Variants in SLC35F4 observed in about 807,000 individuals in gnomAD.
SLC35F4 encodes the protein solute carrier family 35 member F4, also known as chromosome 14 open reading frame 36.
In SLC35F4, 24 loss-of-function variants were observed where a neutral mutation model predicts 44.2. The ratio of observed to expected loss-of-function variants is 0.54; its 90% CI spans 0.39 to 0.76. SLC35F4 has a LOEUF of 0.76. Among genes scored for constraint, SLC35F4 ranks in the 30% least tolerant of loss-of-function variants. The probability of loss-of-function intolerance (pLI) is 0.00; values close to 1 mark genes in which losing one functional copy is unlikely to be tolerated. For synonymous variants in SLC35F4, 238 were observed against 223.6 expected (o/e 1.06, Z -0.57); for missense variants, 562 against 586.1 (o/e 0.96, Z 0.42).
intron 1 of SLC35F4, among the ~76,000 whole-genome samples, chr14:57,607,784 G>A (rs370726637): frequency 3.3e-4 from 50 of 152,312 alleles, no homozygotes; most frequent in African/African-American, 1.1e-3. Flanking sequence ...GGATGTCTAG[G>A]GGACAGATTA....
chr14:57,980,157 T>A (rs1301552679), intron 1 of SLC35F4, among the ~76,000 whole-genome samples: 3 of 152,176 alleles, frequency 2.0e-5, no homozygotes, highest in Non-Finnish European at 2.9e-5. Context: ...TTAAATGGGA[T>A]CATATTGTAA....
At chr14:57,645,850 C>A (rs973309031) in intron 1 of SLC35F4, among the ~76,000 whole-genome samples, 1 of 151,702 alleles carries the variant, frequency 6.6e-6, no homozygotes, top group Non-Finnish European at 1.5e-5. Context: ...TGAATTTTGT[C>A]AAAGGCCTTT....
intron 1 of SLC35F4, among the ~76,000 whole-genome samples, chr14:57,669,288 T>G (rs2074427448): frequency 1.3e-5 from 2 of 151,904 alleles, no homozygotes; most frequent in Non-Finnish European, 1.5e-5. Context: ...AGGGACAATT[T>G]GACTTCCTCT....
At chr14:57,617,765 G>A (rs564063908) in intron 1 of SLC35F4, among the ~76,000 whole-genome samples, 1 of 152,262 alleles carries the variant, frequency 6.6e-6, no homozygotes, top group Non-Finnish European at 1.5e-5. Context: ...GCTTTCCTAG[G>A]GAAGTGATAT....
At chr14:57,922,589 T>C (rs148875889) in intron 1 of SLC35F4, among the ~76,000 whole-genome samples, 1 of 152,340 alleles carries the variant, frequency 6.6e-6, no homozygotes, top group African/African-American at 2.4e-5. Flanking sequence ...TTGCACAGAT[T>C]CAGGGTTCTC....
chr14:57,928,058 GAA>G (rs376481674), intron 1 of SLC35F4, among the ~76,000 whole-genome samples: 1 of 144,914 alleles, frequency 6.9e-6, no homozygotes, highest in Non-Finnish European at 1.5e-5. Flanking sequence ...CACCACAGAA[GAA>G]AAAAAAAAAC....
In SLC35F4 at chr14:57,865,786, C is replaced by A; in HGVS notation, c.40G>T (p.Glu14Ter). ...CCGGTGATCCGCAGGATCCGGTCCTCGATAGTGGCCACCCCGTTGGGGGCC... is the reference window on the plus strand; with the variant it reads ...CCGGTGATCCGCAGGATCCGGTCCTAGATAGTGGCCACCCCGTTGGGGGCC... ...KAAPNGVATI[E>*]DRILRITGYY... The change falls in exon 1 of 8, where the codon GAG (glutamate) becomes TAG (stop). Residue 14 changes from glutamate to a stop codon, truncating the protein, a stop_gained. Transcript: ENST00000556826. LOFTEE classifies it high-confidence loss of function. The A allele has an allele frequency of 6.6e-7, 1 of 1,522,318 alleles. No individual in the cohort carries two copies. Among genetic ancestry groups the A allele is most frequent in the Middle Eastern group, 1.7e-4 (1 of 5,950 alleles). 94.3% of individuals were successfully genotyped at this position (1,522,318 alleles called of 1,614,324 possible). A position where few individuals can be genotyped will look rare whatever the true frequency, so the allele number is the denominator to read the frequency against.
At position 57,696,635 on chromosome 14, in the gene SLC35F4, G is replaced by A. The variant is rs144216141; in HGVS notation, c.104-102511C>T. On this transcript the variant is annotated intron_variant, in intron 1 of 7. Coordinates refer to ENST00000556826, the MANE Select transcript of SLC35F4 (RefSeq NM_001306087.2). The stretch of plus-strand genomic sequence containing the variant: ...TGCACATGTATGTTTACTGCAGCAC[G>A]ATTTACAATAGCAAAGACTTGGAAC... Among the ~76,000 whole-genome samples, 72 of 152,260 alleles carry A rather than the reference G, an allele frequency of 4.7e-4. 2 individuals are homozygous for A. In the East Asian group the frequency reaches 0.013, roughly 28 times the overall value.
At chr14:57,587,511 A>G (rs1480874579) in intron 3 of SLC35F4, among the ~76,000 whole-genome samples, 1 of 152,234 alleles carries the variant, frequency 6.6e-6, no homozygotes, top group Non-Finnish European at 1.5e-5. Context: ...TCAGCAAACT[A>G]ACACAAGAAC....
intron 1 of SLC35F4, among the ~76,000 whole-genome samples, chr14:57,964,004 G>A (rs963183302): frequency 1.3e-5 from 2 of 152,254 alleles, no homozygotes; most frequent in East Asian, 3.9e-4. Flanking sequence ...TTACAGGCAT[G>A]AGCCACCATG....
intron 1 of SLC35F4, among the ~76,000 whole-genome samples, chr14:57,610,307 A>G (rs1350395159): frequency 6.6e-6 from 1 of 152,150 alleles, no homozygotes; most frequent in Admixed American, 6.6e-5. Context: ...AATCTGTAGG[A>G]CCCTGAGCCT....
At chr14:57,816,142 G>A (rs760437747) in intron 1 of SLC35F4, among the ~76,000 whole-genome samples, 84 of 152,192 alleles carry the variant, frequency 5.5e-4, no homozygotes, top group Admixed American at 1.8e-3. Context: ...AATCCAGGGA[G>A]AATCACAATG....
intron 3 of SLC35F4, among the ~76,000 whole-genome samples, chr14:57,587,806 G>A (rs1307369448): frequency 6.9e-6 from 1 of 144,546 alleles, no homozygotes; most frequent in Non-Finnish European, 1.5e-5. Flanking sequence ...ACTGCAAAAG[G>A]TGATCAAAAA....
At chr14:57,878,285 T>C (rs1888445300) in intron 1 of SLC35F4, among the ~76,000 whole-genome samples, 1 of 152,162 alleles carries the variant, frequency 6.6e-6, no homozygotes, top group African/African-American at 2.4e-5. Flanking sequence ...TTAGCCTGGA[T>C]TACCACACAA....
intron 1 of SLC35F4, among the ~76,000 whole-genome samples, chr14:57,724,169 G>A (rs1474202543): frequency 6.6e-6 from 1 of 152,204 alleles, no homozygotes; most frequent in East Asian, 1.9e-4. Context: ...CAGAACAGGA[G>A]AAGGCTCTGC....
chr14:57,857,297 T>C (rs1887205006), intron 1 of SLC35F4, among the ~76,000 whole-genome samples: 1 of 151,682 alleles, frequency 6.6e-6, no homozygotes, highest in African/African-American at 2.4e-5. Flanking sequence ...AGTTGCCTTT[T>C]CCCCCATTGA....
chr14:57,581,208 C>T lies in SLC35F4; in HGVS notation c.807+6G>A. The T allele has an allele frequency of 6.5e-7, 1 of 1,540,826 alleles. No homozygotes were observed. Among genetic ancestry groups the T allele is most frequent in the Non-Finnish European group, 8.7e-7 (1 of 1,146,098 alleles). On this transcript the variant is annotated splice_donor_region_variant and intron_variant, in intron 4 of 7. Transcript: ENST00000556826. ...GCATCGCGCATTGAATCAAGTATGC[C>T]ATTACCCTCACTCCCATGAACCTGT...
At chr14:57,644,376 G>A (rs2073396440) in intron 1 of SLC35F4, among the ~76,000 whole-genome samples, 1 of 152,196 alleles carries the variant, frequency 6.6e-6, no homozygotes, top group East Asian at 1.9e-4. Context: ...CAGTGATGAT[G>A]AGCATTTTTT....
In SLC35F4 at chr14:57,630,647, G is replaced by A. The variant is rs556531969; in HGVS notation, c.104-36523C>T. ...CACAGTCTATGTTTAGGTCAAAATC[G>A]GTATCAAGGTCTTGGACTAGTCCTA... On this transcript the variant is annotated intron_variant, in intron 1 of 7. Coordinates refer to ENST00000556826, the MANE Select transcript of SLC35F4 (RefSeq NM_001306087.2). 9.5e-5 allele frequency: 68 copies of A among 716,322 alleles called. 2 individuals are homozygous for A. The highest frequency in any genetic ancestry group is 2.5e-4 in the East Asian group (9 of 35,390). The allele number at this position is 716,322 out of a possible 1,614,324, so 44.4% of individuals were successfully genotyped here. A position where few individuals can be genotyped will look rare whatever the true frequency, so the allele number is the denominator to read the frequency against.
Sources: gnomAD v4.1 joint callset for allele counts (sites outside exome capture counted in the v4.1 genomes callset) on GRCh38, gnomAD v4.1.1 for gene constraint, MANE v1.5 for transcripts, NCBI Gene and HGNC (gene_info 2026-07-23, HGNC 2026-07-21) for gene names.